The following ZNF292 variants were observed in gnomAD, a reference collection of about 807,000 sequenced individuals.
ZNF292 encodes the protein zinc finger protein 292.
In ZNF292, 26 loss-of-function variants were observed where a neutral mutation model predicts 217.9. The observed-to-expected ratio is 0.12, with a 90% CI of 0.09 to 0.17. The LOEUF (loss-of-function observed/expected upper bound fraction) is 0.17. Among genes scored for constraint, ZNF292 ranks in the 10% least tolerant of loss-of-function variants. The pLI is 1.00. For synonymous variants in ZNF292, 1,257 were observed against 1,124.1 expected, an observed-to-expected ratio of 1.12 and a Z score of -2.37; for missense variants, 2,904 against 3,175.2, an observed-to-expected ratio of 0.91 and a Z score of 2.05.
chr6:87,204,554 A>ATTTTTTTTTTTTTTTTTTT lies in ZNF292; in HGVS notation c.169-11341_169-11323dup, dbSNP rs68087857. On this transcript the variant is annotated intron_variant, in intron 1 of 7. Coordinates refer to ENST00000369577, the MANE Select transcript of ZNF292 (RefSeq NM_015021.3). ...TAGGATTTGGTTGGTAACATTTAGGATTTTTTTTTTTTTTTTTTTTTTTTT... is the reference window on the plus strand; with the variant it reads ...TAGGATTTGGTTGGTAACATTTAGGATTTTTTTTTTTTTTTTTTTTTTTTTTTTTTTTTTTTTTTTTTTT... 7.9e-5 allele frequency among the ~76,000 whole-genome samples: 5 copies of ATTTTTTTTTTTTTTTTTTT among 63,640 alleles called. 1 individual carries two copies. Among genetic ancestry groups the ATTTTTTTTTTTTTTTTTTT allele is most frequent in the African/African-American group, 2.1e-4 (3 of 14,370 alleles). The allele number at this position is 63,640 out of a possible 152,430, so 41.8% of individuals were successfully genotyped here.
chr6:87,260,990 G>C lies in ZNF292; in HGVS notation c.7361G>C (p.Cys2454Ser). Reference protein sequence around the residue: ...AKNDVKDSDTCVSESNDNSRT... With the variant: ...AKNDVKDSDTSVSESNDNSRT... ...AATGATGTGAAAGATTCTGACACGT[G>C]TGTATCAGAGAGCAATGATAATTCA... Residue 2454 changes from cysteine to serine, a missense_variant, in exon 8 of 8, where the codon TGT becomes TCT. Transcript: ENST00000369577. 1 of 1,606,828 alleles carries C rather than the reference G, an allele frequency of 6.2e-7. No individual in the cohort carries two copies. Among genetic ancestry groups the C allele is most frequent in the Non-Finnish European group, 8.5e-7 (1 of 1,176,130 alleles).
intron 7 of ZNF292, among the ~76,000 whole-genome samples, chr6:87,252,342 T>C (rs1037987703): frequency 6.6e-6 from 1 of 151,912 alleles, no homozygotes; most frequent in Non-Finnish European, 1.5e-5. Flanking sequence ...TGGTAGAGAC[T>C]GGGTTTCATC....
Position 87,218,744 on chromosome 6 carries a change from G to T in ZNF292, c.538+13G>T. The T allele has an allele frequency of 6.4e-7, 1 of 1,557,608 alleles. No homozygotes were observed. Among genetic ancestry groups the T allele is most frequent in the Non-Finnish European group, 8.6e-7 (1 of 1,159,238 alleles). ...GATAAGGATAAAGGTAAATTTTCGA[G>T]AGACAGAGAAAAAAAAGAATAATTA... On this transcript the variant is annotated intron_variant, in intron 4 of 7. Coordinates refer to ENST00000369577, the MANE Select transcript of ZNF292 (RefSeq NM_015021.3).
intron 1 of ZNF292, among the ~76,000 whole-genome samples, chr6:87,158,187 A>G (rs748696739): frequency 1.3e-5 from 2 of 152,252 alleles, no homozygotes; most frequent in African/African-American, 2.4e-5. Flanking sequence ...CAAAAATTAT[A>G]AAATATTTCA....
chr6:87,213,140 T>A (rs1290984157), intron 1 of ZNF292, among the ~76,000 whole-genome samples: 1 of 152,162 alleles, frequency 6.6e-6, no homozygotes, highest in Non-Finnish European at 1.5e-5. Flanking sequence ...TACAGTGGCC[T>A]GGGACAAAGT....
At chr6:87,165,586 G>T (rs1770886584) in intron 1 of ZNF292, among the ~76,000 whole-genome samples, 1 of 151,960 alleles carries the variant, frequency 6.6e-6, no homozygotes, top group South Asian at 2.1e-4. Flanking sequence ...CCACCAATAG[G>T]TCATAACCCA....
At chr6:87,243,961 C>T (rs3846776) in intron 6 of ZNF292, among the ~76,000 whole-genome samples, 81,376 of 151,898 alleles carry the variant, frequency 0.54, 22,222 homozygotes, top group Admixed American at 0.62. Flanking sequence ...TTCAGTTGGG[C>T]ATAGCTTGTT....
At chr6:87,173,236 G>A (rs746919526) in intron 1 of ZNF292, 1 of 151,828 alleles carries the variant, frequency 6.6e-6, no homozygotes, top group Non-Finnish European at 1.5e-5. Flanking sequence ...CTTATCAAGT[G>A]TTCCCTGTTT....
intron 4 of ZNF292, chr6:87,222,820 T>G (rs1210928327): frequency 4.4e-6 from 2 of 453,236 alleles, no homozygotes; most frequent in Non-Finnish European, 8.8e-6. Flanking sequence ...CTTCTTAGGC[T>G]CCTCTTGGCT....
At chr6:87,157,399 A>C (rs1193651610) in intron 1 of ZNF292, among the ~76,000 whole-genome samples, 1 of 152,220 alleles carries the variant, frequency 6.6e-6, no homozygotes, top group African/African-American at 2.4e-5. Context: ...TTAGAGATAA[A>C]AAAATTTCTC....
At chr6:87,159,292 C>T (rs896584336) in intron 1 of ZNF292, among the ~76,000 whole-genome samples, 1 of 151,978 alleles carries the variant, frequency 6.6e-6, no homozygotes, top group East Asian at 1.9e-4. Flanking sequence ...TGAGAATTTG[C>T]TTAAAGCTTA....
At chr6:87,226,277 C>T (rs190544029) in intron 4 of ZNF292, among the ~76,000 whole-genome samples, 1 of 152,058 alleles carries the variant, frequency 6.6e-6, no homozygotes, top group South Asian at 2.1e-4. Context: ...ATGATACTTA[C>T]AAATCATTCA....
At chr6:87,158,002 C>T (rs1280247884) in intron 1 of ZNF292, among the ~76,000 whole-genome samples, 3 of 152,060 alleles carry the variant, frequency 2.0e-5, no homozygotes, top group Non-Finnish European at 4.4e-5. Flanking sequence ...GTGAGCACCG[C>T]GTCCCGCCAG....
intron 4 of ZNF292, among the ~76,000 whole-genome samples, chr6:87,226,267 A>G (rs1485182128): frequency 6.6e-6 from 1 of 152,088 alleles, no homozygotes; most frequent in Non-Finnish European, 1.5e-5. Context: ...TAGATTTTCC[A>G]TGATACTTAC....
intron 1 of ZNF292, among the ~76,000 whole-genome samples, chr6:87,157,731 C>T (rs965946043): frequency 1.3e-5 from 2 of 152,134 alleles, no homozygotes; most frequent in Non-Finnish European, 2.9e-5. Context: ...CTCTGTCACC[C>T]GGGCTGGAGT....
chr6:87,216,889 G>A (rs1340110656), intron 3 of ZNF292, among the ~76,000 whole-genome samples: 2 of 151,952 alleles, frequency 1.3e-5, no homozygotes, highest in Admixed American at 6.6e-5. Flanking sequence ...CTTTTCTTCT[G>A]TCTGAAAACA....
chr6:87,248,944 T>G (rs1167539586), intron 7 of ZNF292, among the ~76,000 whole-genome samples: 1 of 152,228 alleles, frequency 6.6e-6, no homozygotes, highest in Non-Finnish European at 1.5e-5. Flanking sequence ...AGCTCCATGT[T>G]GCTAGTGGCA....
chr6:87,181,492 G>A (rs1337159179), intron 1 of ZNF292, among the ~76,000 whole-genome samples: 1 of 152,130 alleles, frequency 6.6e-6, no homozygotes, highest in Non-Finnish European at 1.5e-5. Context: ...CAAGATGGGG[G>A]AAGTGGTGGG....
Position 87,256,910 on chromosome 6 carries a change from C to G in ZNF292, c.3281C>G (p.Pro1094Arg), listed in dbSNP as rs1205468715. 1 of 1,613,820 alleles carries G rather than the reference C, an allele frequency of 6.2e-7. No homozygotes were observed. The highest frequency in any genetic ancestry group is 8.5e-7 in the Non-Finnish European group (1 of 1,179,824). ...LGTPSVPPKA[P>R]VQKFSCQVEG... The stretch of plus-strand genomic sequence containing the variant: ...ACTCCATCAGTGCCTCCAAAAGCTC[C>G]AGTTCAGAAATTCAGCTGCCAGGTC... The change falls in exon 8 of 8, where the codon CCA becomes CGA. Residue 1094 changes from proline to arginine, a missense_variant. Physicochemically the swap from Pro to Arg is moderately radical, Grantham distance 103 (BLOSUM62 -2). Transcript: ENST00000369577.
Sources: gnomAD v4.1 joint callset for allele counts (sites outside exome capture counted in the v4.1 genomes callset) on GRCh38, gnomAD v4.1.1 for gene constraint, MANE v1.5 for transcripts, NCBI Gene and HGNC (gene_info 2026-07-23, HGNC 2026-07-21) for gene names.